The following ZNF33A variants were observed in gnomAD, a reference collection of about 807,000 sequenced individuals.
ZNF33A encodes the protein zinc finger protein 33A.
Under a neutral mutation model 15.9 loss-of-function variants are expected in ZNF33A, and 9 were observed. The ratio of observed to expected loss-of-function variants is 0.57; its 90% CI spans 0.34 to 0.99. ZNF33A has a LOEUF of 0.99. Among genes scored for constraint, ZNF33A ranks in the 50% least tolerant of loss-of-function variants. The pLI is 0.02. For synonymous variants in ZNF33A, 294 were observed against 324.2 expected, an observed-to-expected ratio of 0.91 and a Z score of 1.00; for missense variants, 843 against 941.6, an observed-to-expected ratio of 0.90 and a Z score of 1.37.
chr10:38,029,521 C>G (rs1216065763), intron 4 of ZNF33A, among the ~76,000 whole-genome samples: 1 of 152,126 alleles, frequency 6.6e-6, no homozygotes, highest in East Asian at 1.9e-4. Flanking sequence ...TTACTGTAAA[C>G]CTTTGTTTTC....
downstream of ZNF33A, among the ~76,000 whole-genome samples, chr10:38,067,749 CACAA>C (rs1313361056): frequency 1.3e-5 from 2 of 152,146 alleles, no homozygotes; most frequent in Non-Finnish European, 2.9e-5. Context: ...TAACATTGCA[CACAA>C]ACAACTCAGA....
At chr10:38,061,335 T>C (rs2066651651), downstream of ZNF33A, among the ~76,000 whole-genome samples, 1 of 151,892 alleles carries the variant, frequency 6.6e-6, no homozygotes, top group African/African-American at 2.4e-5. Flanking sequence ...CCCCTAAGAG[T>C]GTCAAGATGC....
intron 4 of ZNF33A, among the ~76,000 whole-genome samples, chr10:38,043,492 T>TATA (rs1190919454): frequency 2.2e-5 from 3 of 135,910 alleles, no homozygotes; most frequent in African/African-American, 8.1e-5. Flanking sequence ...AAACTTAAAG[T>TATA]ATAATAATAA....
chr10:38,049,719 A>G (rs2066110248), intron 4 of ZNF33A, among the ~76,000 whole-genome samples: 1 of 152,114 alleles, frequency 6.6e-6, no homozygotes, highest in Admixed American at 6.6e-5. Context: ...ACAAATCCAT[A>G]TAGTAGAAGA....
chr10:38,060,141 A>G, downstream of ZNF33A: 1 of 917,904 alleles, frequency 1.1e-6, no homozygotes. Context: ...TCATTAGTGA[A>G]CAATTGAATT....
intron 4 of ZNF33A, among the ~76,000 whole-genome samples, chr10:38,053,797 A>G (rs1293526683): frequency 1.3e-5 from 2 of 151,706 alleles, no homozygotes; most frequent in Admixed American, 6.6e-5. Context: ...GTATTTTCCC[A>G]CTCATAGTGA....
downstream of ZNF33A, among the ~76,000 whole-genome samples, chr10:38,065,952 A>G (rs2066706467): frequency 6.6e-6 from 1 of 151,944 alleles, no homozygotes; most frequent in Admixed American, 6.6e-5. Context: ...TCGGCCTCCA[A>G]AAGTGCTGGG....
chr10:38,064,421 C>G (rs1319218891), downstream of ZNF33A: 1 of 363,758 alleles, frequency 2.7e-6, no homozygotes, highest in Non-Finnish European at 4.9e-6. Context: ...CGAGGAGTGT[C>G]CACACTGCAG....
intron 1 of ZNF33A, among the ~76,000 whole-genome samples, chr10:38,011,763 T>C (rs571650478): frequency 6.6e-6 from 1 of 152,318 alleles, no homozygotes; most frequent in East Asian, 1.9e-4. Flanking sequence ...AAAGCAAGTT[T>C]AAAATATCCC....
intron 4 of ZNF33A, among the ~76,000 whole-genome samples, chr10:38,050,703 G>A (rs2066163773): frequency 6.6e-6 from 1 of 152,202 alleles, no homozygotes; most frequent in Non-Finnish European, 1.5e-5. Flanking sequence ...GCACCCCAGA[G>A]AGGACCCACA....
At chr10:38,019,624 CTG>C (rs2064646132) in intron 4 of ZNF33A, among the ~76,000 whole-genome samples, 1 of 152,178 alleles carries the variant, frequency 6.6e-6, no homozygotes, top group African/African-American at 2.4e-5. Context: ...AAATAAAAAT[CTG>C]TATCTTTTGA....
At position 38,056,395 on chromosome 10, in the gene ZNF33A, T is replaced by G; in HGVS notation, c.2271T>G (p.Thr757=). The G allele has an allele frequency of 1.1e-5, 17 of 1,614,066 alleles. No individual in the cohort carries two copies. The highest frequency in any genetic ancestry group is 1.4e-5 in the Non-Finnish European group (16 of 1,179,966). ...KPYECNTCRK[T]FSQKSNLIVH... ...ATGAATGTAACACATGCAGGAAAAC[T>G]TTCTCTCAAAAGTCAAATCTCATTG... The change falls in exon 5 of 5, where the codon ACT becomes ACG. Residue 757 remains threonine, a synonymous_variant. Coordinates refer to ENST00000432900, the MANE Select transcript of ZNF33A (RefSeq NM_006954.2).
Position 38,010,759 on chromosome 10 carries a change from G to C in ZNF33A, c.-69G>C, listed in dbSNP as rs1419802519. The C allele has an allele frequency of 1.3e-6, 2 of 1,598,476 alleles. No homozygotes were observed. Among genetic ancestry groups the C allele is most frequent in the Admixed American group, 1.7e-5 (1 of 60,022 alleles). ...AAGGGTCTACGCGCTTTTCTATGGC[G>C]AATGCAACCCGACGAGGGAGTGGGG... On this transcript the variant is annotated 5_prime_UTR_variant, in exon 1 of 5. Transcript: ENST00000432900.
intron 2 of ZNF33A, chr10:38,016,036 C>T: frequency 8.1e-7 from 1 of 1,229,488 alleles, no homozygotes; most frequent in East Asian, 3.2e-5. Flanking sequence ...CTCCGCTGTA[C>T]TCCACAGAGG....
In ZNF33A at chr10:38,012,463, ACT is replaced by A; in HGVS notation, c.9+116_9+117del. On this transcript the variant is annotated intron_variant, in intron 2 of 4. Coordinates refer to ENST00000432900, the MANE Select transcript of ZNF33A (RefSeq NM_006954.2). ...TTTTTTTTTTGTGAGACGGAGTCTCACTCTGTCACCCAGGCTGGAGTACAATG... is the reference window on the plus strand; with the variant it reads ...TTTTTTTTTTGTGAGACGGAGTCTCACTGTCACCCAGGCTGGAGTACAATG... 9.1e-6 allele frequency: 11 copies of A among 1,213,282 alleles called. No homozygotes were observed. The South Asian group carries it at 1.4e-4, about 16-fold the overall frequency. The allele number at this position is 1,213,282 out of a possible 1,614,324, so 75.2% of individuals were successfully genotyped here.
intron 1 of ZNF33A, 69 bp downstream of exon 1, chr10:38,010,852 G>A (rs1457712057): frequency 1.9e-6 from 3 of 1,583,322 alleles, no homozygotes; most frequent in Non-Finnish European, 2.6e-6. Context: ...GGCGGCAGGG[G>A]GCCGGTACCA....
rs1018102308 is a variant in ZNF33A, at chr10:38,058,778, A to G, written c.*2218A>G. ...AGAATGAGACTGCATCTCAAAAAAT[A>G]ATAATGAAACTTTCCAAAACAAAGT... On this transcript the variant is annotated 3_prime_UTR_variant, in exon 5 of 5. Transcript: ENST00000432900. 32 of 152,310 alleles carry G rather than the reference A, an allele frequency of 2.1e-4. No homozygotes were observed. Among genetic ancestry groups the G allele is most frequent in the African/African-American group, 7.2e-4 (30 of 41,560 alleles). The allele number at this position is 152,310 out of a possible 1,614,324, so 9.4% of individuals were successfully genotyped here.
intron 2 of ZNF33A, among the ~76,000 whole-genome samples, chr10:38,013,973 A>T (rs879478322): frequency 2.0e-5 from 3 of 150,828 alleles, no homozygotes; most frequent in Admixed American, 6.6e-5. Flanking sequence ...CTTCAGTGGC[A>T]GAGTTGAATA....
chr10:38,017,427 T>C lies in ZNF33A; in HGVS notation c.250+41T>C, dbSNP rs375602414. 99 of 1,522,150 alleles carry C rather than the reference T, an allele frequency of 6.5e-5. No homozygotes were observed. In the African/African-American group the frequency reaches 1.2e-3, roughly 18 times the overall value. The allele number at this position is 1,522,150 out of a possible 1,614,324, so 94.3% of individuals were successfully genotyped here. A position where few individuals can be genotyped will look rare whatever the true frequency, so the allele number is the denominator to read the frequency against. ...CTGCACAGATTCACATCAGGGGATT[T>C]GTTGTTTCCCAGTAGTTAATTCAGG... On this transcript the variant is annotated intron_variant, in intron 4 of 4. Transcript: ENST00000432900.
Sources: allele counts gnomAD v4.1 joint callset (sites outside exome capture counted in the v4.1 genomes callset), GRCh38; gene constraint gnomAD v4.1.1; transcripts MANE v1.5; gene names NCBI Gene and HGNC (gene_info 2026-07-23, HGNC 2026-07-21).